Variants in ARHGAP44 observed in about 807,000 individuals in gnomAD.
The protein encoded by ARHGAP44 is rho GTPase-activating protein 44.
A neutral mutation model predicts 106.8 loss-of-function variants in ARHGAP44; 43 were observed. The ratio of observed to expected loss-of-function variants is 0.40; its 90% CI spans 0.32 to 0.52. ARHGAP44 has a LOEUF of 0.52. ARHGAP44 is among the 20% of genes least tolerant of loss of function. The pLI, the probability that ARHGAP44 is intolerant of heterozygous loss-of-function variation, is 0.48. For synonymous variants in ARHGAP44, 439 were observed against 410.3 expected, an observed-to-expected ratio of 1.07 and a Z score of -0.85; for missense variants, 866 against 1,050.5, an observed-to-expected ratio of 0.82 and a Z score of 2.43.
chr17:12,901,153 AC>A (rs2037365447), intron 3 of ARHGAP44, among the ~76,000 whole-genome samples: 1 of 151,900 alleles, frequency 6.6e-6, no homozygotes, highest in Non-Finnish European at 1.5e-5. Context: ...CAAACTCCTG[AC>A]CTCAGGTGAT....
At position 12,822,203 on chromosome 17, in the gene ARHGAP44, G is replaced by A. The variant is rs957340340; in HGVS notation, c.53+32312G>A. On this transcript the variant is annotated intron_variant, in intron 1 of 20. Transcript: ENST00000379672. ...CTATTATAGTGAATAAACAGTCATA[G>A]ACAATATATAAATGACTGAGCATTG... is the stretch of plus-strand genomic sequence containing the variant. Among the ~76,000 whole-genome samples, 4 of 152,226 alleles carry A rather than the reference G, an allele frequency of 2.6e-5. No individual in the cohort carries two copies. In the East Asian group the frequency reaches 7.7e-4, roughly 29 times the overall value.
At position 12,949,060 on chromosome 17, in the gene ARHGAP44, A is replaced by G. The variant is rs2038931604; in HGVS notation, c.862-80A>G. The G allele has an allele frequency of 7.5e-6, 10 of 1,338,042 alleles. No homozygotes were observed. Among genetic ancestry groups the G allele is most frequent in the Non-Finnish European group, 1.0e-5 (10 of 962,146 alleles). 82.9% of individuals were successfully genotyped at this position (1,338,042 alleles called of 1,614,324 possible). ...GCATGTAAGAGGTTTTGGAGAAAAGAAGCAGGCAGTTGCGGGGTCTCTGCG... is the reference window on the plus strand; with the variant it reads ...GCATGTAAGAGGTTTTGGAGAAAAGGAGCAGGCAGTTGCGGGGTCTCTGCG... On this transcript the variant is annotated intron_variant, in intron 10 of 20. Transcript: ENST00000379672. The surrounding 1 kb of genome is among the most constrained non-coding windows in gnomAD (Gnocchi z 4.1).
At chr17:12,980,314 A>G in intron 19 of ARHGAP44, 81 bp downstream of exon 19, 1 of 1,431,274 alleles carries the variant, frequency 7.0e-7, no homozygotes, top group Non-Finnish European at 9.4e-7. Context: ...TCCTCTATGA[A>G]CTTGGATATT....
At chr17:12,931,199 G>A (rs1472811920) in intron 7 of ARHGAP44, among the ~76,000 whole-genome samples, 2 of 151,940 alleles carry the variant, frequency 1.3e-5, no homozygotes, top group African/African-American at 4.8e-5. Context: ...AGCCTCCTGA[G>A]TAGCTGGGAC....
rs560221381 is a variant in ARHGAP44, at chr17:12,848,288, A to AT, written c.54-46644dup. Among the ~76,000 whole-genome samples the AT allele has an allele frequency of 1.3e-4, 19 of 151,906 alleles. 1 individual carries two copies. In the East Asian group the frequency reaches 1.5e-3, roughly 12 times the overall value. On this transcript the variant is annotated intron_variant, in intron 1 of 20. Transcript: ENST00000379672. ...CTTTGACTCAAAGGGTAGAAGTGCC[A>AT]TTTTTTTTCCCGAAAAAATGCCATC...
chr17:12,986,912 T>G (rs926705566), intron 20 of ARHGAP44: 12 of 590,062 alleles, frequency 2.0e-5, no homozygotes, highest in Non-Finnish European at 3.3e-5. Context: ...TATTTTAATG[T>G]CCTTTTGGCA....
At chr17:12,899,304 T>C (rs2037304858) in intron 3 of ARHGAP44, among the ~76,000 whole-genome samples, 1 of 152,310 alleles carries the variant, frequency 6.6e-6, no homozygotes, top group South Asian at 2.1e-4. Flanking sequence ...ATTTTGTCAA[T>C]GATTTCTTAT....
chr17:12,947,021 G>T (rs1250303045), intron 10 of ARHGAP44, among the ~76,000 whole-genome samples: 1 of 152,004 alleles, frequency 6.6e-6, no homozygotes, highest in East Asian at 1.9e-4. Flanking sequence ...TAACAAATAG[G>T]TTCAAGTTTC....
At chr17:12,948,076 C>A (rs1023446900) in intron 10 of ARHGAP44, among the ~76,000 whole-genome samples, 3 of 152,192 alleles carry the variant, frequency 2.0e-5, no homozygotes, top group African/African-American at 7.2e-5. Context: ...TTACAGAATG[C>A]AAGGAACTAA....
intron 1 of ARHGAP44, among the ~76,000 whole-genome samples, chr17:12,806,389 A>G (rs2034274014): frequency 6.6e-6 from 1 of 152,282 alleles, no homozygotes; most frequent in South Asian, 2.1e-4. Flanking sequence ...TGGGAATATC[A>G]TTGGGAGTTG....
At chr17:12,938,898 T>G (rs770565084) in intron 7 of ARHGAP44, among the ~76,000 whole-genome samples, 3 of 152,194 alleles carry the variant, frequency 2.0e-5, no homozygotes, top group Non-Finnish European at 4.4e-5. Flanking sequence ...AGGGCACATA[T>G]AGATTTTTGT....
At chr17:12,911,664 C>T (rs1352165290) in intron 4 of ARHGAP44, among the ~76,000 whole-genome samples, 2 of 152,116 alleles carry the variant, frequency 1.3e-5, no homozygotes, top group Non-Finnish European at 2.9e-5. Context: ...ACCTGTCATC[C>T]CCCGACTCCC....
At position 12,812,408 on chromosome 17, in the gene ARHGAP44, A is replaced by G. The variant is rs567642053; in HGVS notation, c.53+22517A>G. On this transcript the variant is annotated intron_variant, in intron 1 of 20. Transcript: ENST00000379672. ...ATACAAGGGAAGATTTAAGCTAGCA[A>G]AGTACACTAAAGCAAAGGGGACATG... 1.7e-3 allele frequency among the ~76,000 whole-genome samples: 257 copies of G among 152,294 alleles called. 1 individual carries two copies. Among genetic ancestry groups the G allele is most frequent in the African/African-American group, 6.0e-3 (248 of 41,564 alleles).
chr17:12,819,986 G>GCCAT, intron 1 of ARHGAP44, among the ~76,000 whole-genome samples: 1 of 152,166 alleles, frequency 6.6e-6, no homozygotes, highest in Non-Finnish European at 1.5e-5. Flanking sequence ...CATTGCCTAT[G>GCCAT]CCATAGAAGG....
intron 3 of ARHGAP44, among the ~76,000 whole-genome samples, chr17:12,903,083 TGAGAGAGAGAGAGAGAGA>T (rs67363604): frequency 1.7e-4 from 12 of 70,140 alleles, no homozygotes; most frequent in Admixed American, 4.6e-4. Context: ...AGGGAATATA[TGAGAGAGAGAGAGAGAGA>T]GAGAGAGAGA....
chr17:12,841,635 C>CAAAAAAAAAAAAAAAA (rs1232144002), intron 1 of ARHGAP44, among the ~76,000 whole-genome samples: 1 of 87,754 alleles, frequency 1.1e-5, no homozygotes, highest in Admixed American at 1.0e-4. Flanking sequence ...CACACACACA[C>CAAAAAAAAAAAAAAAA]ACACAAACAA....
intron 1 of ARHGAP44, among the ~76,000 whole-genome samples, chr17:12,799,895 C>G (rs868570409): frequency 2.3e-4 from 35 of 152,120 alleles, no homozygotes; most frequent in African/African-American, 8.2e-4. Flanking sequence ...TCCCAAAGTG[C>G]TAGGATTACA....
intron 16 of ARHGAP44, among the ~76,000 whole-genome samples, chr17:12,963,093 C>G (rs1274870950): frequency 6.7e-6 from 1 of 150,126 alleles, no homozygotes; most frequent in Non-Finnish European, 1.5e-5. Context: ...GTTCACCAAC[C>G]TTGTGGTTGG....
At chr17:12,888,768 CTG>C (rs2036955291) in intron 1 of ARHGAP44, among the ~76,000 whole-genome samples, 1 of 152,088 alleles carries the variant, frequency 6.6e-6, no homozygotes, top group African/African-American at 2.4e-5. Flanking sequence ...TTTTACAGCT[CTG>C]TTTTTTGGTG....
Sources: gnomAD v4.1 joint callset for allele counts (sites outside exome capture counted in the v4.1 genomes callset) on GRCh38, gnomAD v4.1.1 for gene constraint, Gnocchi (gnomAD v3.1) non-coding constraint, MANE v1.5 for transcripts, NCBI Gene and HGNC (gene_info 2026-07-23, HGNC 2026-07-21) for gene names.